ROCK2: variants seen among roughly 807,000 people sequenced by gnomAD.
ROCK2 encodes the protein rho-associated protein kinase 2.
ROCK2 carries 61 observed loss-of-function variants against 195.1 expected under a neutral mutation model. That is an observed-to-expected ratio of 0.31 (90% CI 0.25 to 0.39). The LOEUF (loss-of-function observed/expected upper bound fraction) is 0.39, where lower values mean the gene tolerates loss of function less well. Ranked by LOEUF, ROCK2 falls within the 10% of genes least tolerant of loss-of-function variation. The pLI is 1.00. For synonymous variants in ROCK2, 504 were observed against 545.5 expected (o/e 0.92, Z 1.06); for missense variants, 1,109 against 1,637.4 (o/e 0.68, Z 5.57).
At chr2:11,288,172 T>C (rs918401457) in intron 1 of ROCK2, among the ~76,000 whole-genome samples, 1 of 152,168 alleles carries the variant, frequency 6.6e-6, no homozygotes, top group African/African-American at 2.4e-5. Context: ...ATCCTTACCC[T>C]CTGGGAGCTC....
intron 3 of ROCK2, among the ~76,000 whole-genome samples, chr2:11,253,511 C>T (rs1205040662): frequency 1.3e-5 from 2 of 152,178 alleles, no homozygotes; most frequent in Non-Finnish European, 2.9e-5. Flanking sequence ...AACCATAGAA[C>T]CCTATTTGTT....
At chr2:11,183,472 T>TA (rs781016586) in intron 32 of ROCK2, 32 bp from the exon 33 acceptor site, 35 of 1,507,806 alleles carry the variant, frequency 2.3e-5, no homozygotes, top group Non-Finnish European at 2.9e-5. Flanking sequence ...AGTTAGTTGA[T>TA]ACAGTGAAAT....
intron 4 of ROCK2, among the ~76,000 whole-genome samples, chr2:11,246,170 G>C (rs1224230539): frequency 6.6e-6 from 1 of 152,144 alleles, no homozygotes; most frequent in African/African-American, 2.4e-5. Flanking sequence ...CTATGAAGTA[G>C]TCCTATACCG....
chr2:11,236,804 C>T (rs537266012), intron 4 of ROCK2, among the ~76,000 whole-genome samples: 1 of 152,020 alleles, frequency 6.6e-6, no homozygotes, highest in Non-Finnish European at 1.5e-5. Flanking sequence ...ATTTGAGAAA[C>T]AAAAATAATA....
intron 4 of ROCK2, among the ~76,000 whole-genome samples, chr2:11,249,170 A>G (rs1665738916): frequency 6.6e-6 from 1 of 152,216 alleles, no homozygotes; most frequent in South Asian, 2.1e-4. Context: ...TGCTGGGATT[A>G]CAGGTGTGAG....
chr2:11,272,612 G>T (rs963324000), intron 3 of ROCK2, among the ~76,000 whole-genome samples: 1 of 152,120 alleles, frequency 6.6e-6, no homozygotes, highest in South Asian at 2.1e-4. Context: ...GGCTGCAGTG[G>T]TTCACGCCTA....
intron 1 of ROCK2, among the ~76,000 whole-genome samples, chr2:11,329,967 C>A (rs1233675716): frequency 6.6e-6 from 1 of 152,122 alleles, no homozygotes; most frequent in Non-Finnish European, 1.5e-5. Flanking sequence ...ATAACTGACT[C>A]ATGAAGTCTC....
chr2:11,319,210 A>G (rs900805668), intron 1 of ROCK2, among the ~76,000 whole-genome samples: 3 of 152,176 alleles, frequency 2.0e-5, no homozygotes, highest in African/African-American at 7.2e-5. Flanking sequence ...GGCCATTTCC[A>G]CAATATTGAT....
chr2:11,284,300 T>C (rs547987601), intron 3 of ROCK2, among the ~76,000 whole-genome samples: 23 of 152,280 alleles, frequency 1.5e-4, no homozygotes, highest in African/African-American at 5.5e-4. Context: ...GAAAATACTA[T>C]GTATAATAGT....
At chr2:11,233,783 C>T (rs185211520) in intron 5 of ROCK2, among the ~76,000 whole-genome samples, 93 of 152,194 alleles carry the variant, frequency 6.1e-4, no homozygotes, top group Admixed American at 1.6e-3. Context: ...GTACACTATA[C>T]TAATAATCTG....
At chr2:11,315,671 G>A (rs1025313417) in intron 1 of ROCK2, among the ~76,000 whole-genome samples, 1 of 152,070 alleles carries the variant, frequency 6.6e-6, no homozygotes, top group Non-Finnish European at 1.5e-5. Flanking sequence ...AGGCAGCACT[G>A]TAAAAGACTT....
upstream of ROCK2, among the ~76,000 whole-genome samples, chr2:11,344,909 C>A (rs1161209920): frequency 1.4e-5 from 2 of 147,858 alleles, no homozygotes; most frequent in African/African-American, 4.9e-5. The surrounding 1 kb of genome is among the most constrained non-coding windows in gnomAD (Gnocchi z 5.4). Flanking sequence ...CGCACCCAGG[C>A]CGGGTCCTTC....
chr2:11,281,392 T>C (rs1666997601), intron 3 of ROCK2, among the ~76,000 whole-genome samples: 1 of 152,068 alleles, frequency 6.6e-6, no homozygotes, highest in African/African-American at 2.4e-5. Context: ...GTACTGAAAG[T>C]CCGAGGTAAT....
rs1280258510 is a variant in ROCK2 at position 11,336,728 on chromosome 2, G to A, written c.141+7268C>T. ...ACTTAATTTTTTTAAAATGGTGCAG[G>A]ATAGTCTGGATAACTGGATAATTAT... On this transcript the variant is annotated intron_variant, in intron 1 of 32. Coordinates refer to ENST00000315872, the MANE Select transcript of ROCK2 (RefSeq NM_004850.5). 3.9e-5 allele frequency among the ~76,000 whole-genome samples: 6 copies of A among 152,224 alleles called. No individual in the cohort carries two copies. The South Asian group carries it at 1.2e-3, about 32-fold the overall frequency.
chr2:11,223,509 A>G (rs913057987), intron 7 of ROCK2, among the ~76,000 whole-genome samples: 13 of 152,174 alleles, frequency 8.5e-5, no homozygotes, highest in African/African-American at 2.4e-4. Context: ...TTAATAAGCA[A>G]TAAGATGTGC....
intron 20 of ROCK2, among the ~76,000 whole-genome samples, chr2:11,204,686 A>G (rs772937985): frequency 8.5e-5 from 13 of 152,124 alleles, no homozygotes; most frequent in Non-Finnish European, 1.6e-4. Context: ...ACAAATTTAT[A>G]TTGGCAGTAA....
chr2:11,191,002 G>A (rs1663402200), intron 32 of ROCK2, among the ~76,000 whole-genome samples: 2 of 152,074 alleles, frequency 1.3e-5, no homozygotes, highest in South Asian at 4.1e-4. Flanking sequence ...TTCTGCCTTT[G>A]TCATTCTAAA....
At chr2:11,343,686 C>A (rs950361347) in intron 1 of ROCK2, among the ~76,000 whole-genome samples, 1 of 152,172 alleles carries the variant, frequency 6.6e-6, no homozygotes, top group Non-Finnish European at 1.5e-5. Context: ...CATGGCCAGT[C>A]CTCCACCCAC....
intron 1 of ROCK2, among the ~76,000 whole-genome samples, chr2:11,327,884 C>T (rs1668595625): frequency 6.6e-6 from 1 of 152,120 alleles, no homozygotes; most frequent in Non-Finnish European, 1.5e-5. Flanking sequence ...TTTAAAGGGG[C>T]ATATGTTACT....
Sources: gnomAD v4.1 joint callset for allele counts (sites outside exome capture counted in the v4.1 genomes callset) on GRCh38, gnomAD v4.1.1 for gene constraint, Gnocchi (gnomAD v3.1) non-coding constraint, MANE v1.5 for transcripts, NCBI Gene and HGNC (gene_info 2026-07-23, HGNC 2026-07-21) for gene names.